Variants in CHCHD3 observed in about 807,000 individuals in gnomAD.
The protein encoded by CHCHD3 is MICOS complex subunit MIC19.
CHCHD3 carries 20 observed loss-of-function variants against 38.2 expected under a neutral mutation model. The observed-to-expected ratio is 0.52, with a 90% CI of 0.37 to 0.76. The LOEUF is 0.76. Ranked by LOEUF, CHCHD3 falls within the 30% of genes least tolerant of loss-of-function variation. The pLI, the probability that CHCHD3 is intolerant of heterozygous loss-of-function variation, is 0.00. For missense variants in CHCHD3, 245 were observed against 279.2 expected (o/e 0.88, Z 0.87); for synonymous variants, 82 against 100.0 (o/e 0.82, Z 1.07).
At position 133,005,874 on chromosome 7, in the gene CHCHD3, A is replaced by G. The variant is rs142873789; in HGVS notation, c.251+18672T>C. Among the ~76,000 whole-genome samples, 136 of 152,348 alleles carry G rather than the reference A, an allele frequency of 8.9e-4. 1 individual carries two copies. Among genetic ancestry groups the G allele is most frequent in the East Asian group, 7.7e-3 (40 of 5,176 alleles). ...GTTAACTAAATCACATTTACGCCAG[A>G]TCTGCTGTGGCAATTTTAGAAATAC... On this transcript the variant is annotated intron_variant, in intron 3 of 7. Transcript: ENST00000262570.
intron 6 of CHCHD3, among the ~76,000 whole-genome samples, chr7:132,829,143 T>C (rs138542083): frequency 3.7e-4 from 57 of 152,314 alleles, no homozygotes; most frequent in Admixed American, 9.8e-4. Flanking sequence ...CTAGTTGGAA[T>C]TGGCAAGAGG....
chr7:132,896,862 A>G (rs1809513289), intron 4 of CHCHD3, among the ~76,000 whole-genome samples: 1 of 152,230 alleles, frequency 6.6e-6, no homozygotes, highest in African/African-American at 2.4e-5. Flanking sequence ...CTTCAAAGCT[A>G]AGAATTAGCA....
intron 2 of CHCHD3, among the ~76,000 whole-genome samples, chr7:133,031,193 A>G (rs948830515): frequency 2.0e-5 from 3 of 152,138 alleles, no homozygotes; most frequent in African/African-American, 4.8e-5. Context: ...CATAAGTTCA[A>G]TACACATCAC....
rs188128324 is a variant in CHCHD3 at position 133,047,878 on chromosome 7, G to A, written c.169+22264C>T. Reference sequence around the variant, plus strand: ...GGAGGTGGGCAGATCACCAGAGGTCGGGAGTTCGAGACCAGCCTGACCAAC... The same window carrying A: ...GGAGGTGGGCAGATCACCAGAGGTCAGGAGTTCGAGACCAGCCTGACCAAC... On this transcript the variant is annotated intron_variant, in intron 2 of 7. Coordinates refer to ENST00000262570, the MANE Select transcript of CHCHD3 (RefSeq NM_017812.4). Among the ~76,000 whole-genome samples the A allele has an allele frequency of 5.1e-3, 783 of 152,098 alleles. 4 individuals carry two copies. Among genetic ancestry groups the A allele is most frequent in the Middle Eastern group, 0.01 (3 of 294 alleles).
intron 3 of CHCHD3, among the ~76,000 whole-genome samples, chr7:133,020,870 GAAGAA>G (rs1217293831): frequency 6.6e-6 from 1 of 151,774 alleles, no homozygotes; most frequent in African/African-American, 2.4e-5. Context: ...GGGCTGGTTT[GAAGAA>G]TACCTTAGCC....
chr7:133,067,849 G>A (rs980763529), intron 2 of CHCHD3, among the ~76,000 whole-genome samples: 3 of 152,216 alleles, frequency 2.0e-5, no homozygotes. Flanking sequence ...GGGCACGGTG[G>A]CTCACGCCTG....
In CHCHD3 at chr7:132,821,722, G is replaced by A. The variant is rs191670539; in HGVS notation, c.524+16677C>T. 2.3e-3 allele frequency among the ~76,000 whole-genome samples: 352 copies of A among 150,398 alleles called. 1 individual carries two copies. The highest frequency in any genetic ancestry group is 3.7e-3 in the Non-Finnish European group (253 of 67,802). ...GAATGGATCAGCCCTTCTGAAGAAC[G>A]TGGCCAAAAGCTTAGCACTCAAATC... On this transcript the variant is annotated intron_variant, in intron 6 of 7. Transcript: ENST00000262570.
intron 3 of CHCHD3, among the ~76,000 whole-genome samples, chr7:132,996,132 G>A (rs533754170): frequency 2.6e-5 from 4 of 152,150 alleles, no homozygotes; most frequent in Non-Finnish European, 5.9e-5. Context: ...GAACCGAAAC[G>A]CTTAGCTCAA....
In CHCHD3 at chr7:133,063,296, CA is replaced by C. The variant is rs575788149; in HGVS notation, c.169+6845del. Among the ~76,000 whole-genome samples, 917 of 152,268 alleles carry C rather than the reference CA, an allele frequency of 6.0e-3. 9 individuals carry two copies. The highest frequency in any genetic ancestry group is 0.01 in the Non-Finnish European group (688 of 68,024). On this transcript the variant is annotated intron_variant, in intron 2 of 7. Transcript: ENST00000262570. Reference sequence around the variant, plus strand: ...GGACTGTCACTACCCATCCATGGAGCAGTAGTTACCATATCCAGCCAAGCCC... The same window carrying C: ...GGACTGTCACTACCCATCCATGGAGCGTAGTTACCATATCCAGCCAAGCCC...
At chr7:132,897,264 AC>A (rs1392707173) in intron 4 of CHCHD3, among the ~76,000 whole-genome samples, 3 of 152,252 alleles carry the variant, frequency 2.0e-5, no homozygotes, top group Non-Finnish European at 4.4e-5. Flanking sequence ...CACTATCTGC[AC>A]CAAGGTATTT....
At chr7:132,814,418 A>G (rs1432652749) in intron 6 of CHCHD3, among the ~76,000 whole-genome samples, 3 of 152,224 alleles carry the variant, frequency 2.0e-5, no homozygotes, top group Non-Finnish European at 4.4e-5. Context: ...GAGAAATGTG[A>G]AAGTGCTAAT....
chr7:132,813,699 C>A (rs2057836672), intron 6 of CHCHD3: 1 of 152,142 alleles, frequency 6.6e-6, no homozygotes, highest in African/African-American at 2.4e-5. Flanking sequence ...AAACAGCCAA[C>A]TTAAAAACCA....
At chr7:132,803,901 G>A (rs957362469) in intron 6 of CHCHD3, among the ~76,000 whole-genome samples, 1 of 150,268 alleles carries the variant, frequency 6.7e-6, no homozygotes, top group African/African-American at 2.4e-5. Flanking sequence ...TGGGAATGAC[G>A]AGGGAGAGAA....
chr7:133,069,739 A>G (rs921905964), intron 2 of CHCHD3, among the ~76,000 whole-genome samples: 23 of 152,246 alleles, frequency 1.5e-4, no homozygotes, highest in Non-Finnish European at 5.9e-5. Flanking sequence ...ACTTAGAAGA[A>G]ATTTATTAGA....
intron 3 of CHCHD3, among the ~76,000 whole-genome samples, chr7:132,980,938 T>C (rs1468692740): frequency 6.6e-6 from 1 of 152,170 alleles, no homozygotes; most frequent in Non-Finnish European, 1.5e-5. Flanking sequence ...CATTAACATA[T>C]TGAACTTCAT....
chr7:132,972,494 G>C lies in CHCHD3; in HGVS notation c.369+2675C>G, dbSNP rs529767791. The C allele has an allele frequency of 1.0e-5, 8 of 763,760 alleles. No homozygotes were observed. In the South Asian group the frequency reaches 3.6e-4, roughly 34 times the overall value. The allele number at this position is 763,760 out of a possible 1,614,324, so 47.3% of individuals were successfully genotyped here. On this transcript the variant is annotated intron_variant, in intron 4 of 7. Transcript: ENST00000262570. Reference sequence around the variant, plus strand: ...AATTGTAGTACATTGAGTGATTTTAGTATCCCTTTGTATTTATTTTCTAAT... The same window carrying C: ...AATTGTAGTACATTGAGTGATTTTACTATCCCTTTGTATTTATTTTCTAAT...
At chr7:132,864,127 C>G (rs979286959) in intron 5 of CHCHD3, among the ~76,000 whole-genome samples, 1 of 152,192 alleles carries the variant, frequency 6.6e-6, no homozygotes, top group Non-Finnish European at 1.5e-5. Context: ...CTTACCTAGG[C>G]TTTGCACATA....
chr7:132,894,858 G>A (rs1809455284), intron 4 of CHCHD3, among the ~76,000 whole-genome samples: 1 of 151,926 alleles, frequency 6.6e-6, no homozygotes. Flanking sequence ...TGTAAGCTCT[G>A]AATTAGGTGC....
chr7:132,954,479 G>A (rs890001464), intron 4 of CHCHD3, among the ~76,000 whole-genome samples: 3 of 152,164 alleles, frequency 2.0e-5, no homozygotes, highest in Non-Finnish European at 4.4e-5. Flanking sequence ...TGTGGACACA[G>A]GGTCAGGGAT....
Sources: allele counts gnomAD v4.1 joint callset (sites outside exome capture counted in the v4.1 genomes callset), GRCh38; gene constraint gnomAD v4.1.1; transcripts MANE v1.5; gene names NCBI Gene and HGNC (gene_info 2026-07-23, HGNC 2026-07-21).